Variants in XRRA1 observed in about 807,000 individuals in gnomAD.
XRRA1 encodes X-ray radiation resistance-associated protein 1.
XRRA1 carries 69 observed loss-of-function variants against 80.2 expected under a neutral mutation model. That is an observed-to-expected ratio of 0.86 (90% CI 0.71 to 1.05). The LOEUF (loss-of-function observed/expected upper bound fraction) is 1.05, where lower values mean the gene tolerates loss of function less well. XRRA1 is among the 50% of genes least tolerant of loss of function. The pLI is 0.00. For synonymous variants in XRRA1, 348 were observed against 389.9 expected (o/e 0.89, Z 1.27); for missense variants, 967 against 976.4 (o/e 0.99, Z 0.13).
intron 11 of XRRA1, among the ~76,000 whole-genome samples, chr11:74,860,078 A>G (rs2042003377): frequency 6.6e-6 from 1 of 152,196 alleles, no homozygotes; most frequent in Admixed American, 6.5e-5. Context: ...AGCTGAATTA[A>G]TTAATCACTA....
At chr11:74,922,561 C>T (rs1941161233) in intron 7 of XRRA1, among the ~76,000 whole-genome samples, 1 of 152,200 alleles carries the variant, frequency 6.6e-6, no homozygotes. Context: ...CTGTGCCCCC[C>T]TCCTCAACAT....
chr11:74,907,524 A>G (rs2054903284), intron 8 of XRRA1, among the ~76,000 whole-genome samples: 1 of 152,202 alleles, frequency 6.6e-6, no homozygotes, highest in Non-Finnish European at 1.5e-5. Context: ...CATTGAAACC[A>G]GGTTAGGGCA....
chr11:74,879,095 A>G (rs1268471574), intron 10 of XRRA1, among the ~76,000 whole-genome samples: 2 of 148,164 alleles, frequency 1.3e-5, no homozygotes, highest in African/African-American at 5.0e-5. Flanking sequence ...CCTACCCATG[A>G]GCATGGAATG....
intron 16 of XRRA1, among the ~76,000 whole-genome samples, chr11:74,844,825 C>T (rs1011833350): frequency 6.6e-6 from 1 of 152,232 alleles, no homozygotes; most frequent in Non-Finnish European, 1.5e-5. Context: ...AGGCTGAGAC[C>T]AACTAGAATC....
chr11:74,939,161 G>A (rs1209946960), intron 3 of XRRA1, among the ~76,000 whole-genome samples: 1 of 152,078 alleles, frequency 6.6e-6, no homozygotes, highest in East Asian at 1.9e-4. Context: ...AGACCAGTCT[G>A]GCCATCATGG....
In XRRA1 at chr11:74,843,238, A is replaced by C; in HGVS notation, c.2365T>G (p.Phe789Val). 6.4e-7 allele frequency: 1 copy of C among 1,562,754 alleles called. No homozygotes were observed. The highest frequency in any genetic ancestry group is 8.7e-7 in the Non-Finnish European group (1 of 1,153,648). The part of the protein sequence containing the change: ...FGHFLEFMDE[F>V]CQEPTASDSQ... ...TCACTGGCTGTGGGCTCCTGGCAGA[A>C]CTCATCCATGAACTCGAGGAAGTGG... is the stretch of plus-strand genomic sequence containing the variant. Residue 789 changes from phenylalanine (F) to valine (V), a missense_variant, in exon 19 of 19, where the codon TTC becomes GTC. Phe to Val is a conservative substitution (Grantham distance 50). Transcript: ENST00000684022.
Position 74,859,293 on chromosome 11 carries a change from A to G in XRRA1, c.1045-10T>C, listed in dbSNP as rs780310058. 3.8e-5 allele frequency: 61 copies of G among 1,599,476 alleles called. No homozygotes were observed. Among genetic ancestry groups the G allele is most frequent in the Non-Finnish European group, 5.1e-5 (60 of 1,174,214 alleles). On this transcript the variant is annotated splice_polypyrimidine_tract_variant and intron_variant, in intron 11 of 18. Coordinates refer to ENST00000684022, the MANE Select transcript of XRRA1 (RefSeq NM_001378157.1). Reference sequence around the variant, plus strand: ...AACATATCTTGGTTGTCTTAGAAAGAAGGAAAAGTCAAAATCAAAGTGCCC... The same window carrying G: ...AACATATCTTGGTTGTCTTAGAAAGGAGGAAAAGTCAAAATCAAAGTGCCC...
At chr11:74,911,465 T>C (rs1332476158) in intron 8 of XRRA1, 2 of 152,168 alleles carry the variant, frequency 1.3e-5, no homozygotes, top group Non-Finnish European at 2.9e-5. Flanking sequence ...TATAAGAACA[T>C]GAAAGTGCAG....
Position 74,844,273 on chromosome 11 carries a change from C to A in XRRA1, c.1938G>T (p.Lys646Asn), listed in dbSNP as rs771394885. ...GCATTTGTTGCAGGGCTTGTGCATT[C>A]TTCTGGATTCCTAGGGCAAGAAGGC... The part of the protein sequence containing the change: ...PAFIEPKGIQ[K>N]NAQALQQMLK... The change falls in exon 17 of 19, where the codon AAG (lysine) becomes AAT (asparagine). Residue 646 changes from lysine to asparagine, a missense_variant. Physicochemically the swap from Lys to Asn is moderately conservative, Grantham distance 94 (BLOSUM62 0). Transcript: ENST00000684022. The A allele has an allele frequency of 5.0e-6, 8 of 1,612,596 alleles. No homozygotes were observed. In the South Asian group the frequency reaches 8.8e-5, roughly 18 times the overall value.
In XRRA1 at chr11:74,883,118, C is replaced by T. The variant is rs538809389; in HGVS notation, c.1004-20097G>A. 5.3e-3 allele frequency among the ~76,000 whole-genome samples: 799 copies of T among 151,328 alleles called. 6 individuals carry two copies. Among genetic ancestry groups the T allele is most frequent in the African/African-American group, 0.018 (745 of 41,194 alleles). On this transcript the variant is annotated intron_variant, in intron 10 of 18. Coordinates refer to ENST00000684022, the MANE Select transcript of XRRA1 (RefSeq NM_001378157.1). The stretch of plus-strand genomic sequence containing the variant: ...GGCGCCCCTCCCCCAGCCTCGCTGC[C>T]GCCTTGCAGTTTGATCTCAGACTGC...
At chr11:74,894,672 A>C (rs941850579) in intron 10 of XRRA1, among the ~76,000 whole-genome samples, 3 of 152,192 alleles carry the variant, frequency 2.0e-5, no homozygotes, top group African/African-American at 7.2e-5. Context: ...CCATGATCCA[A>C]TGACTTCCCA....
At chr11:74,855,505 A>C (rs1261879791) in intron 12 of XRRA1, among the ~76,000 whole-genome samples, 2 of 152,176 alleles carry the variant, frequency 1.3e-5, no homozygotes, top group Non-Finnish European at 2.9e-5. Context: ...AGCAAGCGGA[A>C]ATCTGGCCAT....
intron 8 of XRRA1, among the ~76,000 whole-genome samples, chr11:74,914,935 C>T (rs756436807): frequency 3.9e-5 from 6 of 152,174 alleles, no homozygotes; most frequent in Non-Finnish European, 8.8e-5. Context: ...GGCGCATACT[C>T]CTGCTGTACT....
At position 74,859,209 on chromosome 11, in the gene XRRA1, C is replaced by T. The variant is rs150446249; in HGVS notation, c.1119G>A (p.Thr373=). The change falls in exon 12 of 19, where the codon ACG becomes ACA. Residue 373 remains threonine (T), a synonymous_variant. Transcript: ENST00000684022. ...PVKSLKARNQ[T]LAPPFPELRY... ...TCAGCTCTGGGAAGGGTGGGGCCAG[C>T]GTCTGGTTCCTGGCCTTCAGTGACT... 7.5e-6 allele frequency: 12 copies of T among 1,609,456 alleles called. No individual in the cohort carries two copies. Among genetic ancestry groups the T allele is most frequent in the Admixed American group, 6.7e-5 (4 of 59,344 alleles).
rs1331934383 is a variant in XRRA1 at position 74,843,802 on chromosome 11, C to A, written c.2149+52G>T. On this transcript the variant is annotated intron_variant, in intron 18 of 18. Coordinates refer to ENST00000684022, the MANE Select transcript of XRRA1 (RefSeq NM_001378157.1). ...ACACAAGCCCTTTCTTTGCCTTTAG[C>A]CAGCAGGCGTGAACTGGATCTGGGA... 3 of 1,502,324 alleles carry A rather than the reference C, an allele frequency of 2.0e-6. No homozygotes were observed. The East Asian group carries it at 7.1e-5, about 36-fold the overall frequency. The allele number at this position is 1,502,324 out of a possible 1,614,324, so 93.1% of individuals were successfully genotyped here.
Position 74,859,278 on chromosome 11 carries a change from G to A in XRRA1, c.1050C>T (p.Thr350=), listed in dbSNP as rs771006840. The change falls in exon 12 of 19, where the codon ACC becomes ACT. Residue 350 remains threonine (T), a synonymous_variant. Coordinates refer to ENST00000684022, the MANE Select transcript of XRRA1 (RefSeq NM_001378157.1). ...SYPGFSTSET[T]KICSLPPIFE... is the part of the protein sequence containing the mutation. ...ATATGGGAGGAAGTGAACATATCTT[G>A]GTTGTCTTAGAAAGAAGGAAAAGTC... 1.2e-6 allele frequency: 2 copies of A among 1,604,580 alleles called. No individual in the cohort carries two copies. Among genetic ancestry groups the A allele is most frequent in the South Asian group, 2.2e-5 (2 of 88,958 alleles).
intron 15 of XRRA1, chr11:74,846,100 T>C (rs1224254620): frequency 6.6e-6 from 1 of 152,138 alleles, no homozygotes; most frequent in East Asian, 1.9e-4. Flanking sequence ...TGAACTTGCC[T>C]AGGTAGAAAA....
intron 10 of XRRA1, among the ~76,000 whole-genome samples, chr11:74,890,216 G>A (rs1397696161): frequency 6.6e-6 from 1 of 152,212 alleles, no homozygotes; most frequent in Non-Finnish European, 1.5e-5. Flanking sequence ...AGACCACAGT[G>A]CAGTCAAACT....
At chr11:74,918,416 G>T (rs1328183420) in intron 8 of XRRA1, among the ~76,000 whole-genome samples, 1 of 152,100 alleles carries the variant, frequency 6.6e-6, no homozygotes, top group African/African-American at 2.4e-5. Flanking sequence ...CTTTAGAAGA[G>T]AAAATAATAT....
Sources: allele counts gnomAD v4.1 joint callset (sites outside exome capture counted in the v4.1 genomes callset), GRCh38; gene constraint gnomAD v4.1.1; transcripts MANE v1.5; gene names NCBI Gene and HGNC (gene_info 2026-07-23, HGNC 2026-07-21).